SLC9A9: variants seen among roughly 807,000 people sequenced by gnomAD.
SLC9A9 encodes the protein solute carrier family 9 member A9.
Under a neutral mutation model 77.8 loss-of-function variants are expected in SLC9A9, and 62 were observed. The ratio of observed to expected loss-of-function variants is 0.80; its 90% CI spans 0.65 to 0.98. The LOEUF (loss-of-function observed/expected upper bound fraction) is 0.98. Among genes scored for constraint, SLC9A9 ranks in the 50% least tolerant of loss-of-function variants. SLC9A9 has a pLI of 0.00. For synonymous variants in SLC9A9, 320 were observed against 283.5 expected (o/e 1.13, Z -1.29); for missense variants, 775 against 774.9 (o/e 1.00, Z 0.00).
At position 143,828,384 on chromosome 3, in the gene SLC9A9, T is replaced by C. The variant is rs141358820; in HGVS notation, c.378+3635A>G. On this transcript the variant is annotated intron_variant, in intron 2 of 15. Transcript: ENST00000316549. ...TAGGCATGGGGCACCAGGATAGGCT[T>C]TGGGGATACATTGGTCAGTAAAAAA... Among the ~76,000 whole-genome samples, 949 of 152,264 alleles carry C rather than the reference T, an allele frequency of 6.2e-3. 5 individuals are homozygous for C. The highest frequency in any genetic ancestry group is 9.5e-3 in the Non-Finnish European group (645 of 68,036).
Position 143,539,519 on chromosome 3 carries a change from A to C in SLC9A9, c.1089+12843T>G, listed in dbSNP as rs192580545. 2.7e-3 allele frequency among the ~76,000 whole-genome samples: 418 copies of C among 152,318 alleles called. 1 individual carries two copies. The highest frequency in any genetic ancestry group is 8.6e-3 in the African/African-American group (357 of 41,576). On this transcript the variant is annotated intron_variant, in intron 9 of 15. Coordinates refer to ENST00000316549, the MANE Select transcript of SLC9A9 (RefSeq NM_173653.4). ...TGATGTTTTCTGCATTGCATCAATA[A>C]AATTTAATTGAAATAAGTAGAAAAA...
intron 13 of SLC9A9, among the ~76,000 whole-genome samples, chr3:143,371,392 T>C (rs1430505260): frequency 6.6e-6 from 1 of 152,176 alleles, no homozygotes; most frequent in Non-Finnish European, 1.5e-5. Context: ...AACTAAGGCT[T>C]ACAAGATTTT....
At chr3:143,577,823 C>A (rs1015283279) in intron 7 of SLC9A9, among the ~76,000 whole-genome samples, 2 of 152,168 alleles carry the variant, frequency 1.3e-5, no homozygotes, top group Non-Finnish European at 2.9e-5. Context: ...GGCCCTAGAT[C>A]TTCTGTTCTA....
At chr3:143,370,560 T>TGC (rs1491119201) in intron 13 of SLC9A9, among the ~76,000 whole-genome samples, 249 of 66,652 alleles carry the variant, frequency 3.7e-3, no homozygotes, top group African/African-American at 7.5e-3. Context: ...AGTATATGCA[T>TGC]GTGCGCGCAC....
At chr3:143,642,940 T>G (rs1456450933) in intron 6 of SLC9A9, among the ~76,000 whole-genome samples, 1 of 152,194 alleles carries the variant, frequency 6.6e-6, no homozygotes, top group Non-Finnish European at 1.5e-5. Flanking sequence ...TTTAGTCTCT[T>G]TAGTGTGCTC....
At chr3:143,394,526 C>A (rs2033651476) in intron 12 of SLC9A9, among the ~76,000 whole-genome samples, 1 of 152,170 alleles carries the variant, frequency 6.6e-6, no homozygotes, top group Non-Finnish European at 1.5e-5. Context: ...GGAAGCATTC[C>A]CTTTGAAAAC....
intron 1 of SLC9A9, among the ~76,000 whole-genome samples, chr3:143,843,724 T>C (rs1464205597): frequency 6.6e-6 from 1 of 152,176 alleles, no homozygotes; most frequent in East Asian, 1.9e-4. Flanking sequence ...CCCAGTGATA[T>C]ATAATGGAAT....
chr3:143,640,559 T>G (rs1168413822), intron 6 of SLC9A9, among the ~76,000 whole-genome samples: 1 of 152,044 alleles, frequency 6.6e-6, no homozygotes, highest in Admixed American at 6.5e-5. Flanking sequence ...TCCTCCAACT[T>G]TCTCTCAAAA....
At chr3:143,356,814 C>T (rs1449885842) in intron 14 of SLC9A9, among the ~76,000 whole-genome samples, 1 of 152,176 alleles carries the variant, frequency 6.6e-6, no homozygotes, top group Non-Finnish European at 1.5e-5. Context: ...TGAACCCAGC[C>T]TCTTTCAGGA....
intron 6 of SLC9A9, chr3:143,627,549 G>A: frequency 3.2e-6 from 1 of 311,084 alleles, no homozygotes; most frequent in East Asian, 9.2e-5. Flanking sequence ...AGCAGAAGGA[G>A]TGGAACTATG....
chr3:143,740,687 A>G (rs1193183840), intron 4 of SLC9A9, among the ~76,000 whole-genome samples: 2 of 152,190 alleles, frequency 1.3e-5, no homozygotes, highest in East Asian at 1.9e-4. Context: ...GACTGACAAG[A>G]GAATCTAACT....
At chr3:143,633,167 T>C (rs914216856) in intron 6 of SLC9A9, among the ~76,000 whole-genome samples, 4 of 152,338 alleles carry the variant, frequency 2.6e-5, no homozygotes, top group East Asian at 1.9e-4. Flanking sequence ...ATGCTAGTTA[T>C]AGGTGATCAG....
At chr3:143,478,624 C>A (rs1008621636) in intron 11 of SLC9A9, among the ~76,000 whole-genome samples, 19 of 152,310 alleles carry the variant, frequency 1.2e-4, no homozygotes, top group African/African-American at 4.6e-4. Flanking sequence ...ATACTTAGCA[C>A]AAGGCATTTT....
intron 6 of SLC9A9, among the ~76,000 whole-genome samples, chr3:143,599,197 A>G (rs913218286): frequency 2.6e-5 from 4 of 152,224 alleles, no homozygotes; most frequent in Admixed American, 6.5e-5. Context: ...TCCTGTCCAT[A>G]GTCCTCCATC....
At chr3:143,627,278 G>C (rs1257526836) in intron 6 of SLC9A9, 1 of 172,670 alleles carries the variant, frequency 5.8e-6, no homozygotes. Context: ...GTCATTGATA[G>C]TGCAAATGTA....
chr3:143,456,576 T>C (rs1475387955), intron 12 of SLC9A9, among the ~76,000 whole-genome samples: 1 of 151,846 alleles, frequency 6.6e-6, no homozygotes, highest in Non-Finnish European at 1.5e-5. Flanking sequence ...TTCTTTTTTT[T>C]TTTTTTGAGA....
At chr3:143,300,886 C>T (rs2030489020) in intron 14 of SLC9A9, among the ~76,000 whole-genome samples, 1 of 152,190 alleles carries the variant, frequency 6.6e-6, no homozygotes, top group African/African-American at 2.4e-5. Flanking sequence ...GTCCCCTTTT[C>T]CCTAGGAGAT....
At chr3:143,369,566 C>A (rs934684759) in intron 13 of SLC9A9, among the ~76,000 whole-genome samples, 3 of 152,010 alleles carry the variant, frequency 2.0e-5, no homozygotes, top group Non-Finnish European at 4.4e-5. Context: ...TTGACTTGAT[C>A]ATTACACATT....
At chr3:143,353,449 G>C (rs1159205301) in intron 14 of SLC9A9, among the ~76,000 whole-genome samples, 1 of 152,222 alleles carries the variant, frequency 6.6e-6, no homozygotes, top group Non-Finnish European at 1.5e-5. Flanking sequence ...CATGAGGATA[G>C]AGCAAGAAAG....
Sources: gnomAD v4.1 joint callset for allele counts (sites outside exome capture counted in the v4.1 genomes callset) on GRCh38, gnomAD v4.1.1 for gene constraint, MANE v1.5 for transcripts, NCBI Gene and HGNC (gene_info 2026-07-23, HGNC 2026-07-21) for gene names.